SEMA7A: variants seen among roughly 807,000 people sequenced by gnomAD.
SEMA7A encodes semaphorin 7A (JohnMiltonHagen blood group), also known as semaphorin-7A.
In SEMA7A, 21 loss-of-function variants were observed where a neutral mutation model predicts 67.5. The observed-to-expected ratio is 0.31, with a 90% CI of 0.22 to 0.45. SEMA7A has a LOEUF of 0.45. Ranked by LOEUF, SEMA7A falls within the 20% of genes least tolerant of loss-of-function variation. The pLI, the probability that SEMA7A is intolerant of heterozygous loss-of-function variation, is 1.00. For missense variants in SEMA7A, 774 were observed against 908.6 expected (o/e 0.85, Z 1.90); for synonymous variants, 364 against 368.5 (o/e 0.99, Z 0.14).
In SEMA7A at chr15:74,411,675, G is replaced by A. The variant is rs1413874033; in HGVS notation, c.1458C>T (p.Ser486=). 2.5e-6 allele frequency: 4 copies of A among 1,613,468 alleles called. No individual in the cohort carries two copies. Among genetic ancestry groups the A allele is most frequent in the African/African-American group, 2.7e-5 (2 of 74,918 alleles). ...CCTCACACAGGTCCAGGGGCACCTG[G>A]CTCACCTCCCACTGGGAGCTCACAT... is the stretch of plus-strand genomic sequence containing the variant. The part of the protein sequence containing the change: ...KLYVSSQWEV[S]QVPLDLCEVY... Residue 486 remains serine (S), a synonymous_variant, in exon 12 of 14, where the codon AGC becomes AGT. Coordinates refer to ENST00000261918, the MANE Select transcript of SEMA7A (RefSeq NM_003612.5). This position sits in a 1 kb window ranked among gnomAD's most constrained non-coding sequence, Gnocchi z 4.4.
At chr15:74,432,540 T>C (rs2061097232) in intron 1 of SEMA7A, among the ~76,000 whole-genome samples, 1 of 152,206 alleles carries the variant, frequency 6.6e-6, no homozygotes, top group South Asian at 2.1e-4. Context: ...CTCAGTGACC[T>C]TGGGCAAGTC....
In SEMA7A at chr15:74,427,190, C is replaced by T. The variant is rs28362879; in HGVS notation, c.178+6551G>A. On this transcript the variant is annotated intron_variant, in intron 1 of 13. Coordinates refer to ENST00000261918, the MANE Select transcript of SEMA7A (RefSeq NM_003612.5). ...ACAAACCATCTGGCACCACCATCTTCGCTCAGATCATGCTGTCTGATGGGA... is the reference window on the plus strand; with the variant it reads ...ACAAACCATCTGGCACCACCATCTTTGCTCAGATCATGCTGTCTGATGGGA... 9,681 of 984,802 alleles carry T rather than the reference C, an allele frequency of 9.8e-3. 59 individuals are homozygous for T. Among genetic ancestry groups the T allele is most frequent in the Non-Finnish European group, 0.011 (9,127 of 829,354 alleles). 61.0% of individuals were successfully genotyped at this position (984,802 alleles called of 1,614,324 possible). A position where few individuals can be genotyped will look rare whatever the true frequency, so the allele number is the denominator to read the frequency against.
Position 74,419,093 on chromosome 15 carries a change from G to A in SEMA7A, c.179-141C>T, listed in dbSNP as rs573629234. ...CGTCAGACAAGCTCTGGGCTGGGGTGGTACCCAGACTCAGAGAGTCAAGGA... is the reference window on the plus strand; with the variant it reads ...CGTCAGACAAGCTCTGGGCTGGGGTAGTACCCAGACTCAGAGAGTCAAGGA... On this transcript the variant is annotated intron_variant, in intron 1 of 13. Coordinates refer to ENST00000261918, the MANE Select transcript of SEMA7A (RefSeq NM_003612.5). 1.1e-4 allele frequency: 108 copies of A among 949,996 alleles called. 2 individuals are homozygous for A. The South Asian group carries it at 1.7e-3, about 15-fold the overall frequency. The allele number at this position is 949,996 out of a possible 1,614,324, so 58.8% of individuals were successfully genotyped here.
intron 1 of SEMA7A, among the ~76,000 whole-genome samples, chr15:74,432,910 A>G (rs2061101623): frequency 6.6e-6 from 1 of 151,996 alleles, no homozygotes; most frequent in Admixed American, 6.5e-5. Context: ...ACAGGGTCTA[A>G]ACTGAGGTGC....
rs2060942938 is a variant in SEMA7A at position 74,415,791 on chromosome 15, G to A, written c.986+10C>T. 1 of 1,608,516 alleles carries A rather than the reference G, an allele frequency of 6.2e-7. No homozygotes were observed. Among genetic ancestry groups the A allele is most frequent in the South Asian group, 1.1e-5 (1 of 90,370 alleles). On this transcript the variant is annotated intron_variant, in intron 8 of 13. Coordinates refer to ENST00000261918, the MANE Select transcript of SEMA7A (RefSeq NM_003612.5). ...ATGCCAGCCCCGGCCCCAGGACAAGGGCCACTCACCAGGGGTTGGAGAAAA... is the reference window on the plus strand; with the variant it reads ...ATGCCAGCCCCGGCCCCAGGACAAGAGCCACTCACCAGGGGTTGGAGAAAA...
intron 1 of SEMA7A, 58 bp from the exon 2 acceptor site, chr15:74,419,010 G>A: frequency 6.3e-7 from 1 of 1,576,926 alleles, no homozygotes; most frequent in South Asian, 1.1e-5. Context: ...AGAAGACTCT[G>A]GGTCCCCTCC....
rs1323249528 is a variant in SEMA7A, at chr15:74,423,123, C to G, written c.179-4171G>C. ...ACAGAGAATGCCTAAGTCAGGCAGT[C>G]AGAGAGGCCCCGGGCCAAAGAGCAG... On this transcript the variant is annotated intron_variant, in intron 1 of 13. Transcript: ENST00000261918. The surrounding 1 kb of genome is among the most constrained non-coding windows in gnomAD (Gnocchi z 4.1). 6.6e-6 allele frequency among the ~76,000 whole-genome samples: 1 copy of G among 152,232 alleles called. No homozygotes were observed. Among genetic ancestry groups the G allele is most frequent in the Admixed American group, 6.5e-5 (1 of 15,290 alleles).
intron 1 of SEMA7A, among the ~76,000 whole-genome samples, chr15:74,432,027 G>A (rs2061092849): frequency 1.3e-5 from 2 of 150,522 alleles, no homozygotes; most frequent in Non-Finnish European, 3.0e-5. Context: ...TAGCCTCAGG[G>A]TGGGAACTAA....
In SEMA7A at chr15:74,416,696, G is replaced by A. The variant is rs2060951606; in HGVS notation, c.680C>T (p.Ala227Val). 1 of 1,614,096 alleles carries A rather than the reference G, an allele frequency of 6.2e-7. No individual in the cohort carries two copies. The highest frequency in any genetic ancestry group is 8.5e-7 in the Non-Finnish European group (1 of 1,179,954). The stretch of plus-strand genomic sequence containing the variant: ...AGCCTGGTCTTGGTGCACGATGGTG[G>A]CTTTGATGAACTGTGGGTCTGCCAG... ...TVMQNPQFIKATIVHQDQAYD... is the reference protein window; with the variant it reads ...TVMQNPQFIKVTIVHQDQAYD... Residue 227 changes from alanine (A) to valine (V), a missense_variant, in exon 7 of 14, where the codon GCC becomes GTC. Ala to Val is a moderately conservative substitution (Grantham distance 64). Around this residue, in one of 2 missense-constraint regions of SEMA7A, gnomAD observed 347 missense variants for 353.2 expected, o/e 0.98. Transcript: ENST00000261918.
chr15:74,433,885 T>G lies in SEMA7A; in HGVS notation c.34A>C (p.Ser12Arg). ...CCAGGGACGCGGGCGCGCGGTGCGC[T>G]GGGGGCGGCACGTCCGGGCGGAGGA... ...TPPPPGRAAP[S>R]APRARVPGPP... The change falls in exon 1 of 14, where the codon AGC (serine) becomes CGC (arginine). Residue 12 changes from serine (S) to arginine (R), a missense_variant. Physicochemically the swap from Ser to Arg is moderately radical, Grantham distance 110. Coordinates refer to ENST00000261918, the MANE Select transcript of SEMA7A (RefSeq NM_003612.5). 1.6e-6 allele frequency: 2 copies of G among 1,269,196 alleles called. No individual in the cohort carries two copies. Among genetic ancestry groups the G allele is most frequent in the African/African-American group, 1.6e-5 (1 of 64,392 alleles). The allele number at this position is 1,269,196 out of a possible 1,614,324, so 78.6% of individuals were successfully genotyped here.
intron 10 of SEMA7A, among the ~76,000 whole-genome samples, chr15:74,412,407 C>T (rs1219874605): frequency 1.3e-5 from 2 of 152,162 alleles, no homozygotes; most frequent in East Asian, 1.9e-4. Context: ...AAATCAGGCT[C>T]AGAAAGGCTA....
In SEMA7A at chr15:74,414,721, G is replaced by C; in HGVS notation, c.1120C>G (p.Pro374Ala). Residue 374 changes from proline (P) to alanine (A), a missense_variant, in exon 10 of 14, where the codon CCC (proline) becomes GCC (alanine). Transcript: ENST00000261918. This position sits in a 1 kb window ranked among gnomAD's most constrained non-coding sequence, Gnocchi z 4.1. ...TCAGCCACCTGGAAGGTCTCTGTGG[G>C]TATCGGCTGCTGGTCTGGGAGGCAC... ...GKCLPDQQPI[P>A]TETFQVADRH... 6.2e-7 allele frequency: 1 copy of C among 1,614,164 alleles called. No individual in the cohort carries two copies. The highest frequency in any genetic ancestry group is 8.5e-7 in the Non-Finnish European group (1 of 1,180,044).
rs1457424217 is a variant in SEMA7A, at chr15:74,418,840, G to A, written c.291C>T (p.Leu97=). The change falls in exon 2 of 14, where the codon CTC becomes CTT. Residue 97 remains leucine (L), a synonymous_variant. Transcript: ENST00000261918. ...CGTTCTTGCCCTCGGGGAAGTCAAA[G>A]AGGTAGACCTTGCCACGTCCTCCCA... ...VWVGGRGKVY[L]FDFPEGKNAS... The A allele has an allele frequency of 6.2e-7, 1 of 1,613,938 alleles. No homozygotes were observed. Among genetic ancestry groups the A allele is most frequent in the East Asian group, 2.2e-5 (1 of 44,886 alleles).
intron 4 of SEMA7A, 96 bp downstream of exon 4, chr15:74,417,781 G>A (rs535164102): frequency 3.9e-6 from 6 of 1,546,302 alleles, no homozygotes; most frequent in Admixed American, 1.7e-5. Flanking sequence ...GGCAAGGCCA[G>A]CATTGGAGTC....
chr15:74,422,340 C>T (rs574306756), intron 1 of SEMA7A, among the ~76,000 whole-genome samples: 9 of 151,968 alleles, frequency 5.9e-5, no homozygotes, highest in South Asian at 2.1e-4. Context: ...CCCAGCCTGA[C>T]GCATTAGTGG....
At chr15:74,412,461 G>A (rs1032516574) in intron 10 of SEMA7A, among the ~76,000 whole-genome samples, 6 of 152,200 alleles carry the variant, frequency 3.9e-5, no homozygotes, top group African/African-American at 1.2e-4. Context: ...AGCAGAGACC[G>A]AGTTGGAACC....
chr15:74,418,491 G>A (rs954772600), intron 2 of SEMA7A, among the ~76,000 whole-genome samples, 182 bp from the exon 3 acceptor site: 6 of 152,222 alleles, frequency 3.9e-5, no homozygotes, highest in African/African-American at 1.4e-4. Flanking sequence ...CTCATATCCA[G>A]AGCTGAGGCC....
Position 74,410,760 on chromosome 15 carries a change from C to T in SEMA7A, c.1865G>A (p.Arg622His), listed in dbSNP as rs140128092. The change falls in exon 14 of 14, where the codon CGC becomes CAC. Residue 622 changes from arginine to histidine, a missense_variant. This residue lies in a region of SEMA7A where 427 missense variants were observed against 555.4 expected (regional missense o/e 0.77). Transcript: ENST00000261918. This position sits in a 1 kb window ranked among gnomAD's most constrained non-coding sequence, Gnocchi z 7.5. ...FCEAQEGSYFREAQHWQLLPE... is the reference protein window; with the variant it reads ...FCEAQEGSYFHEAQHWQLLPE... ...CAGCAGCTGCCAGTGCTGAGCCTCGCGGAAGTAGGAGCCCTCCTGGGCCTC... is the reference window on the plus strand; with the variant it reads ...CAGCAGCTGCCAGTGCTGAGCCTCGTGGAAGTAGGAGCCCTCCTGGGCCTC... The T allele has an allele frequency of 2.5e-4, 410 of 1,614,126 alleles. 3 individuals are homozygous for T. The Middle Eastern group carries it at 2.6e-3, about 10-fold the overall frequency.
intron 6 of SEMA7A, 48 bp downstream of exon 6, chr15:74,417,287 T>C (rs1596191477): frequency 6.9e-7 from 1 of 1,439,472 alleles, no homozygotes; most frequent in Admixed American, 1.7e-5. Flanking sequence ...CCACCTTAAG[T>C]GCTCACACCC....
Sources: gnomAD v4.1 joint callset for allele counts (sites outside exome capture counted in the v4.1 genomes callset) on GRCh38, gnomAD v4.1.1 for gene constraint, gnomAD v4.1.1 regional missense constraint, Gnocchi (gnomAD v3.1) non-coding constraint, MANE v1.5 for transcripts, NCBI Gene and HGNC (gene_info 2026-07-23, HGNC 2026-07-21) for gene names.